Variants in RBFOX1 observed in about 807,000 individuals in gnomAD.
RBFOX1 encodes the protein RNA binding protein fox-1 homolog 1.
In RBFOX1, 8 loss-of-function variants were observed where a neutral mutation model predicts 57.7. That is an observed-to-expected ratio of 0.14 (90% CI 0.08 to 0.25). The LOEUF (loss-of-function observed/expected upper bound fraction) is 0.25. RBFOX1 is among the 10% of genes least tolerant of loss of function. The pLI is 1.00. For missense variants in RBFOX1, 611 were observed against 548.5 expected (o/e 1.11, Z -1.14); for synonymous variants, 326 against 222.4 (o/e 1.47, Z -4.15).
At chr16:6,842,652 CTT>C (rs5815350) in intron 3 of RBFOX1, among the ~76,000 whole-genome samples, 1 of 141,864 alleles carries the variant, frequency 7.0e-6, no homozygotes. Flanking sequence ...AATCTATTTG[CTT>C]TTTTTTTTTT....
At chr16:7,575,776 G>T (rs1041519360) in intron 5 of RBFOX1, among the ~76,000 whole-genome samples, 3 of 152,102 alleles carry the variant, frequency 2.0e-5, no homozygotes, top group South Asian at 2.1e-4. Flanking sequence ...TCCCCGGAAG[G>T]TCCCAGAAAA....
At chr16:6,648,617 G>A (rs1320016659) in intron 2 of RBFOX1, among the ~76,000 whole-genome samples, 2 of 152,128 alleles carry the variant, frequency 1.3e-5, no homozygotes, top group Non-Finnish European at 2.9e-5. Context: ...TTGGTAGCAT[G>A]CATCGACGGG....
chr16:6,535,631 A>G (rs529995772), intron 2 of RBFOX1, among the ~76,000 whole-genome samples: 7 of 152,274 alleles, frequency 4.6e-5, no homozygotes, highest in East Asian at 1.9e-4. Context: ...GAATGATCCC[A>G]TCCATCAACC....
chr16:6,450,166 A>T (rs570201431), intron 2 of RBFOX1, among the ~76,000 whole-genome samples: 9 of 152,282 alleles, frequency 5.9e-5, no homozygotes, highest in African/African-American at 1.7e-4. Flanking sequence ...TGTGTTTCAG[A>T]ACACCTGGAT....
intron 5 of RBFOX1, among the ~76,000 whole-genome samples, chr16:7,567,151 CTA>C (rs34792926): frequency 1.6e-5 from 1 of 61,146 alleles, no homozygotes; most frequent in African/African-American, 4.5e-5. Context: ...ATATATATCC[CTA>C]TATATATATC....
intron 3 of RBFOX1, among the ~76,000 whole-genome samples, chr16:5,839,636 G>C (rs928024823): frequency 1.3e-5 from 2 of 152,194 alleles, no homozygotes; most frequent in Non-Finnish European, 2.9e-5. Flanking sequence ...TCCGGGACTA[G>C]TTCAACAGCA....
chr16:7,478,343 A>G (rs1174815179), intron 4 of RBFOX1, among the ~76,000 whole-genome samples: 2 of 152,186 alleles, frequency 1.3e-5, no homozygotes, highest in Non-Finnish European at 2.9e-5. Context: ...GATAGACTTT[A>G]CTCCAGGTGG....
intron 4 of RBFOX1, among the ~76,000 whole-genome samples, chr16:7,059,982 C>G (rs1424390327): frequency 6.6e-6 from 1 of 152,160 alleles, no homozygotes; most frequent in Non-Finnish European, 1.5e-5. Context: ...GGTGAGAAGA[C>G]TGTAAAATAT....
At chr16:5,474,680 A>G (rs543001167) in intron 2 of RBFOX1, among the ~76,000 whole-genome samples, 76 of 152,054 alleles carry the variant, frequency 5.0e-4, no homozygotes, top group African/African-American at 1.8e-3. Context: ...ACTCCCGGAC[A>G]TTTGTAAAGG....
intron 4 of RBFOX1, among the ~76,000 whole-genome samples, chr16:7,095,043 T>G (rs142863957): frequency 1.3e-5 from 2 of 152,284 alleles, no homozygotes; most frequent in Admixed American, 6.5e-5. Flanking sequence ...TTCTGTTATT[T>G]GCAAATCTGT....
intron 4 of RBFOX1, among the ~76,000 whole-genome samples, chr16:7,477,086 C>G (rs1401220934): frequency 2.0e-5 from 3 of 152,116 alleles, no homozygotes; most frequent in Non-Finnish European, 4.4e-5. Flanking sequence ...TTTTCCTTCC[C>G]CCACATCTCT....
chr16:6,600,333 C>G (rs1037966840), intron 2 of RBFOX1, among the ~76,000 whole-genome samples: 5 of 152,162 alleles, frequency 3.3e-5, no homozygotes, highest in South Asian at 2.1e-4. Context: ...TGAGCTCCAG[C>G]TGAGCTACTG....
chr16:7,338,749 A>T (rs1296097325), intron 4 of RBFOX1, among the ~76,000 whole-genome samples: 2 of 152,222 alleles, frequency 1.3e-5, no homozygotes, highest in Non-Finnish European at 2.9e-5. Context: ...ACAGAGAGTA[A>T]CCATCCTTAT....
intron 2 of RBFOX1, among the ~76,000 whole-genome samples, chr16:6,410,755 A>C (rs146744420): frequency 6.6e-6 from 1 of 152,208 alleles, no homozygotes; most frequent in African/African-American, 2.4e-5. Context: ...ATTTGGCCAG[A>C]AAATGCCATG....
At position 7,333,010 on chromosome 16, in the gene RBFOX1, G is replaced by A. The variant is rs771567004; in HGVS notation, c.28-185137G>A. 5.7e-5 allele frequency: 92 copies of A among 1,613,504 alleles called. 1 individual carries two copies. The highest frequency in any genetic ancestry group is 1.4e-4 in the South Asian group (13 of 91,068). ...ATAACTCTACGTAAAGCATGCTGGCGTCTCAAGGAGTTCTCCTGCATCCTT... is the reference window on the plus strand; with the variant it reads ...ATAACTCTACGTAAAGCATGCTGGCATCTCAAGGAGTTCTCCTGCATCCTT... On this transcript the variant is annotated intron_variant, in intron 4 of 15. Transcript: ENST00000550418.
Position 6,815,654 on chromosome 16 carries a change from C to G in RBFOX1, c.-16+161004C>G, listed in dbSNP as rs7498696. Among the ~76,000 whole-genome samples the G allele has an allele frequency of 5.3e-5, 8 of 151,964 alleles. No homozygotes were observed. The South Asian group carries it at 1.2e-3, about 24-fold the overall frequency. On this transcript the variant is annotated intron_variant, in intron 3 of 15. Transcript: ENST00000550418. Reference sequence around the variant, plus strand: ...TGACTTTCTCAAGGCTACCTACTTACGCCTTACCAGGGCCAGGATTCAAAC... The same window carrying G: ...TGACTTTCTCAAGGCTACCTACTTAGGCCTTACCAGGGCCAGGATTCAAAC...
intron 4 of RBFOX1, among the ~76,000 whole-genome samples, chr16:7,162,881 TG>T (rs1476638213): frequency 6.6e-6 from 1 of 152,202 alleles, no homozygotes; most frequent in Non-Finnish European, 1.5e-5. Context: ...GGGTATTCCC[TG>T]GTCCTCCTTC....
At chr16:6,820,119 G>A (rs902289931) in intron 3 of RBFOX1, among the ~76,000 whole-genome samples, 6 of 152,032 alleles carry the variant, frequency 3.9e-5, no homozygotes, top group African/African-American at 1.2e-4. Flanking sequence ...GAAATCTGAT[G>A]GTTTTATAAA....
chr16:6,212,995 A>G (rs541579511), intron 1 of RBFOX1, among the ~76,000 whole-genome samples: 27 of 152,260 alleles, frequency 1.8e-4, no homozygotes, highest in Non-Finnish European at 3.5e-4. Flanking sequence ...TGTTAATTTT[A>G]TATTCACTGT....
Sources: allele counts gnomAD v4.1 joint callset (sites outside exome capture counted in the v4.1 genomes callset), GRCh38; gene constraint gnomAD v4.1.1; transcripts MANE v1.5; gene names NCBI Gene and HGNC (gene_info 2026-07-23, HGNC 2026-07-21).